The following SUSD4 variants were observed in gnomAD, a reference collection of about 807,000 sequenced individuals.
The protein encoded by SUSD4 is sushi domain-containing protein 4.
A neutral mutation model predicts 50.5 loss-of-function variants in SUSD4; 41 were observed. The ratio of observed to expected loss-of-function variants is 0.81; its 90% CI spans 0.63 to 1.05. SUSD4 has a LOEUF of 1.05. Among genes scored for constraint, SUSD4 ranks in the 50% least tolerant of loss-of-function variants. The probability of loss-of-function intolerance (pLI) is 0.00; values close to 1 mark genes in which losing one functional copy is unlikely to be tolerated. For missense variants in SUSD4, 580 were observed against 634.7 expected (o/e 0.91, Z 0.93); for synonymous variants, 257 against 257.3 (o/e 1.00, Z 0.01).
intron 2 of SUSD4, among the ~76,000 whole-genome samples, chr1:223,334,079 G>GC (rs1489187869): frequency 2.0e-5 from 3 of 152,042 alleles, no homozygotes; most frequent in Admixed American, 1.3e-4. Context: ...GGTCAAGGAA[G>GC]CCCCCAATTT....
intron 5 of SUSD4, among the ~76,000 whole-genome samples, chr1:223,254,070 C>T (rs1252591543): frequency 6.6e-6 from 1 of 152,184 alleles, no homozygotes; most frequent in Non-Finnish European, 1.5e-5. Flanking sequence ...ACATGTTCTC[C>T]ACCCCCTGCT....
intron 2 of SUSD4, among the ~76,000 whole-genome samples, chr1:223,342,368 T>C (rs1200998090): frequency 6.6e-6 from 1 of 152,260 alleles, no homozygotes; most frequent in Non-Finnish European, 1.5e-5. Flanking sequence ...TATTATTGAA[T>C]AGATGTCCCT....
intron 2 of SUSD4, among the ~76,000 whole-genome samples, chr1:223,320,314 T>C (rs1227444731): frequency 6.6e-6 from 1 of 152,160 alleles, no homozygotes; most frequent in Non-Finnish European, 1.5e-5. Flanking sequence ...TGTGACGACA[T>C]CATCAGGGGA....
rs851141 is a variant in SUSD4, at chr1:223,227,822, T to C, written c.917-84A>G. 5,823 of 1,490,544 alleles carry C rather than the reference T, an allele frequency of 3.9e-3. 200 individuals are homozygous for C. In the African/African-American group the frequency reaches 0.072, roughly 18 times the overall value. 92.3% of individuals were successfully genotyped at this position (1,490,544 alleles called of 1,614,324 possible). A position where few individuals can be genotyped will look rare whatever the true frequency, so the allele number is the denominator to read the frequency against. On this transcript the variant is annotated intron_variant, in intron 6 of 8. Transcript: ENST00000366878. The surrounding 1 kb of genome is among the most constrained non-coding windows in gnomAD (Gnocchi z 4.5). ...TTCCCCGTGGGCTCATTTGCTGGAT[T>C]CATCTGGCACAAGAGATGCGTGCAA...
In SUSD4 at chr1:223,273,979, G is replaced by C. The variant is rs78743760; in HGVS notation, c.362-5304C>G. 2.0e-4 allele frequency among the ~76,000 whole-genome samples: 30 copies of C among 152,234 alleles called. No homozygotes were observed. The East Asian group carries it at 5.6e-3, about 28-fold the overall frequency. ...TGAGTCTGAGTTCCTGAGTCCTAGT[G>C]AATTTTTGAACCTGATGGTGGTCTC... On this transcript the variant is annotated intron_variant, in intron 3 of 8. Transcript: ENST00000366878.
At chr1:223,233,753 C>T (rs1201094451) in intron 5 of SUSD4, among the ~76,000 whole-genome samples, 1 of 152,176 alleles carries the variant, frequency 6.6e-6, no homozygotes, top group Non-Finnish European at 1.5e-5. Flanking sequence ...ACTCATATCC[C>T]GTCAGTTGCT....
chr1:223,306,824 C>G (rs1026639338), intron 2 of SUSD4, among the ~76,000 whole-genome samples: 1 of 151,556 alleles, frequency 6.6e-6, no homozygotes, highest in South Asian at 2.1e-4. Flanking sequence ...AGATGTGGCT[C>G]TTTTCTAAAG....
At chr1:223,243,402 CAG>C (rs779317258) in intron 5 of SUSD4, among the ~76,000 whole-genome samples, 31 of 152,216 alleles carry the variant, frequency 2.0e-4, no homozygotes, top group Non-Finnish European at 4.1e-4. Context: ...GCAGGGGACT[CAG>C]AGCCACCTTC....
upstream of SUSD4, among the ~76,000 whole-genome samples, chr1:223,364,354 T>TGGGGACGGGGTGAGTGG (rs1669193354): frequency 3.8e-5 from 1 of 26,220 alleles, no homozygotes; most frequent in Non-Finnish European, 8.8e-5. The surrounding 1 kb of genome is among the most constrained non-coding windows in gnomAD (Gnocchi z 4.5). Context: ...AGGGAGTGGG[T>TGGGGACGGGGTGAGTGG]GGGGACGGGG....
intron 3 of SUSD4, 53 bp from the exon 4 acceptor site, chr1:223,268,728 G>T (rs887433534): frequency 7.1e-6 from 11 of 1,556,658 alleles, no homozygotes; most frequent in Admixed American, 1.8e-5. Flanking sequence ...AACGGTTGTG[G>T]TTCACAGCTT....
chr1:223,359,055 G>A (rs1183298055), intron 2 of SUSD4: 1 of 471,142 alleles, frequency 2.1e-6, no homozygotes, highest in Non-Finnish European at 4.4e-6. Context: ...CAATTCAGCT[G>A]CACTAGGACC....
At chr1:223,302,193 T>C (rs984515511) in intron 2 of SUSD4, among the ~76,000 whole-genome samples, 1 of 152,164 alleles carries the variant, frequency 6.6e-6, no homozygotes, top group African/African-American at 2.4e-5. Context: ...ACCATGATTG[T>C]AAGTTTCCTG....
At chr1:223,254,263 C>G (rs921163561) in intron 5 of SUSD4, among the ~76,000 whole-genome samples, 2 of 152,042 alleles carry the variant, frequency 1.3e-5, no homozygotes, top group African/African-American at 4.8e-5. Flanking sequence ...CTTGATTTGG[C>G]GGGAGAGGTA....
At position 223,227,796 on chromosome 1, in the gene SUSD4, G is replaced by A; in HGVS notation, c.917-58C>T. 2.6e-6 allele frequency: 4 copies of A among 1,536,550 alleles called. No homozygotes were observed. Among genetic ancestry groups the A allele is most frequent in the Non-Finnish European group, 3.5e-6 (4 of 1,133,262 alleles). On this transcript the variant is annotated intron_variant, in intron 6 of 8. Coordinates refer to ENST00000366878, the MANE Select transcript of SUSD4 (RefSeq NM_017982.4). The surrounding 1 kb of genome is among the most constrained non-coding windows in gnomAD (Gnocchi z 4.5). ...CTCCCAGACCATGAGAGGTGCCGAG[G>A]TTCCCCGTGGGCTCATTTGCTGGAT...
intron 2 of SUSD4, among the ~76,000 whole-genome samples, chr1:223,321,677 A>C (rs895902190): frequency 6.6e-6 from 1 of 152,214 alleles, no homozygotes; most frequent in African/African-American, 2.4e-5. Context: ...AATCTTTTTG[A>C]ACCATGGATG....
At position 223,221,312 on chromosome 1, in the gene SUSD4, AT is replaced by A. The variant is rs1659125608; in HGVS notation, c.*879del. ...ATTGTCAACTAGAGAGAGGCTCATG[AT>A]TCTGAGATAAATGTTAAGTGGAGTC... is the stretch of plus-strand genomic sequence containing the variant. On this transcript the variant is annotated 3_prime_UTR_variant, in exon 9 of 9. Coordinates refer to ENST00000366878, the MANE Select transcript of SUSD4 (RefSeq NM_017982.4). 1 of 391,322 alleles carries A rather than the reference AT, an allele frequency of 2.6e-6. No homozygotes were observed. Among genetic ancestry groups the A allele is most frequent in the African/African-American group, 2.1e-5 (1 of 48,528 alleles). 24.2% of individuals were successfully genotyped at this position (391,322 alleles called of 1,614,324 possible).
intron 2 of SUSD4, 97 bp from the exon 3 acceptor site, chr1:223,292,748 G>T: frequency 7.8e-7 from 1 of 1,281,338 alleles, no homozygotes; most frequent in Non-Finnish European, 1.1e-6. Context: ...GATGTCATAC[G>T]CCTTGGACAC....
At chr1:223,363,718 ATTGGCTCCGC>A in intron 1 of SUSD4, 2 of 341,826 alleles carry the variant, frequency 5.9e-6, no homozygotes, top group Middle Eastern at 1.6e-3. Flanking sequence ...GTTAGCGCAC[ATTGGCTCCGC>A]GCCGGTCCCC....
At chr1:223,235,040 G>C in intron 5 of SUSD4, 1 of 1,611,148 alleles carries the variant, frequency 6.2e-7, no homozygotes, top group Non-Finnish European at 8.5e-7. Context: ...ATAAAGCACA[G>C]CAGCTGCCAA....
Sources: gnomAD v4.1 joint callset for allele counts (sites outside exome capture counted in the v4.1 genomes callset) on GRCh38, gnomAD v4.1.1 for gene constraint, Gnocchi (gnomAD v3.1) non-coding constraint, MANE v1.5 for transcripts, NCBI Gene and HGNC (gene_info 2026-07-23, HGNC 2026-07-21) for gene names.